Variants in AFF2 observed in about 807,000 individuals in gnomAD.
The protein encoded by AFF2 is ALF transcription elongation factor 2, also known as AF4/FMR2 family member 2.
AFF2 carries 14 observed loss-of-function variants against 76.9 expected under a neutral mutation model. That is an observed-to-expected ratio of 0.18 (90% CI 0.12 to 0.28). The LOEUF is 0.28. Ranked by LOEUF, AFF2 falls within the 10% of genes least tolerant of loss-of-function variation. The pLI is 1.00. For missense variants in AFF2, 868 were observed against 1,001.1 expected (o/e 0.87, Z 1.79); for synonymous variants, 398 against 366.7 (o/e 1.09, Z -0.98).
chrX:148,614,904 G>A (rs1404426074), intron 1 of AFF2, among the ~76,000 whole-genome samples: 2 of 106,503 alleles, frequency 1.9e-5, no homozygotes, highest in Non-Finnish European at 3.9e-5. Flanking sequence ...CAAAGATAAA[G>A]GACAAATCAG....
At chrX:148,601,545 G>A (rs1195634128) in intron 1 of AFF2, among the ~76,000 whole-genome samples, 3 of 111,003 alleles carry the variant, frequency 2.7e-5, no homozygotes, top group Non-Finnish European at 3.8e-5. Flanking sequence ...AATTTTCTTG[G>A]CATTTAACTT....
At chrX:148,688,144 T>A (rs781953772) in intron 3 of AFF2, among the ~76,000 whole-genome samples, 1 of 111,290 alleles carries the variant, frequency 9.0e-6, no homozygotes, top group Non-Finnish European at 1.9e-5. Flanking sequence ...CAGGTAAGCA[T>A]CATGACTCAG....
At chrX:148,708,319 C>T (rs1557262564) in intron 3 of AFF2, among the ~76,000 whole-genome samples, 1 of 111,689 alleles carries the variant, frequency 9.0e-6, no homozygotes, top group Non-Finnish European at 1.9e-5. Flanking sequence ...ATTTAAGCTG[C>T]CTCCTGTCAC....
chrX:148,799,860 CA>C (rs1439267972), intron 3 of AFF2, among the ~76,000 whole-genome samples: 3 of 111,780 alleles, frequency 2.7e-5, no homozygotes, highest in East Asian at 2.8e-4. Flanking sequence ...TGTTTCTTAA[CA>C]TTTTTTTTTT....
chrX:148,506,712 A>C (rs1201972207), intron 1 of AFF2, among the ~76,000 whole-genome samples: 1 of 111,560 alleles, frequency 9.0e-6, no homozygotes, highest in Non-Finnish European at 1.9e-5. Flanking sequence ...GCTCATTTGG[A>C]GCCTCAAAAC....
Position 148,845,120 on chromosome X carries a change from T to TACAC in AFF2, c.1262+1708_1262+1711dup, listed in dbSNP as rs1463131629. ...TCAATAAGATTCACACACATACACA[T>TACAC]ACACACACACACACACACACACACG... On this transcript the variant is annotated intron_variant, in intron 7 of 20. Coordinates refer to ENST00000370460, the MANE Select transcript of AFF2 (RefSeq NM_002025.4). 4.0e-3 allele frequency among the ~76,000 whole-genome samples: 158 copies of TACAC among 39,525 alleles called. 1 individual carries two copies. The highest frequency in any genetic ancestry group is 0.02 in the East Asian group (12 of 613). 34.3% of individuals were successfully genotyped at this position (39,525 alleles called of 115,157 possible).
intron 8 of AFF2, among the ~76,000 whole-genome samples, chrX:148,889,730 G>A (rs972371520): frequency 2.7e-5 from 3 of 111,889 alleles, no homozygotes; most frequent in Admixed American, 9.5e-5. Context: ...GTAGGAGAGC[G>A]TGTGAGAGTA....
intron 7 of AFF2, among the ~76,000 whole-genome samples, chrX:148,881,841 A>C (rs1314714609): frequency 9.0e-6 from 1 of 111,610 alleles, no homozygotes; most frequent in Non-Finnish European, 1.9e-5. Context: ...AATTTGTATA[A>C]ACTTTATTTT....
At chrX:148,784,899 C>T (rs782111831) in intron 3 of AFF2, among the ~76,000 whole-genome samples, 5 of 111,588 alleles carry the variant, frequency 4.5e-5, no homozygotes, top group East Asian at 5.7e-4. Context: ...CTGCCCCTCT[C>T]GGAGACAGAC....
chrX:148,504,851 C>G (rs782405048), intron 1 of AFF2, among the ~76,000 whole-genome samples: 51 of 111,743 alleles, frequency 4.6e-4, no homozygotes, highest in African/African-American at 1.6e-3. Flanking sequence ...TCTGTGCGCA[C>G]AGGTCTTCCG....
At chrX:148,541,862 A>G (rs1281124628) in intron 1 of AFF2, among the ~76,000 whole-genome samples, 1 of 108,620 alleles carries the variant, frequency 9.2e-6, no homozygotes, top group Admixed American at 1.0e-4. Context: ...GGCAGGCACT[A>G]TGTACCTCTG....
At chrX:148,687,364 T>C (rs1183242771) in intron 3 of AFF2, among the ~76,000 whole-genome samples, 5 of 112,384 alleles carry the variant, frequency 4.4e-5, no homozygotes, top group Non-Finnish European at 9.4e-5. Context: ...TTACAAAATC[T>C]AGTTTTCACA....
intron 1 of AFF2, among the ~76,000 whole-genome samples, chrX:148,632,452 T>C (rs1158781307): frequency 1.8e-5 from 2 of 111,775 alleles, no homozygotes; most frequent in Non-Finnish European, 3.8e-5. Context: ...GGTTATCAAA[T>C]ACTGAGACTG....
chrX:148,999,263 C>CT lies in AFF2; in HGVS notation c.*7931_*7932insT, dbSNP rs1400838377. The CT allele has an allele frequency of 1.8e-5, 2 of 111,110 alleles. No homozygotes were observed. Among genetic ancestry groups the CT allele is most frequent in the African/African-American group, 6.5e-5 (2 of 30,541 alleles). The allele number at this position is 111,110 out of a possible 1,213,427, so 9.2% of individuals were successfully genotyped here. A position where few individuals can be genotyped will look rare whatever the true frequency, so the allele number is the denominator to read the frequency against. On this transcript the variant is annotated 3_prime_UTR_variant, in exon 21 of 21. Transcript: ENST00000370460. ...GTATCTAACAGGCACATTCACGTCT[C>CT]GTGTACTCATATGAAGTATTTCCTA... is the stretch of plus-strand genomic sequence containing the variant.
chrX:148,502,115 T>C (rs1304949676), intron 1 of AFF2, among the ~76,000 whole-genome samples: 1 of 112,361 alleles, frequency 8.9e-6, no homozygotes, highest in African/African-American at 3.2e-5. Flanking sequence ...TTATTTGTCA[T>C]AATACTTAAA....
chrX:148,628,508 G>A (rs1315465602), intron 1 of AFF2, among the ~76,000 whole-genome samples: 1 of 108,876 alleles, frequency 9.2e-6, no homozygotes, highest in South Asian at 4.0e-4. Context: ...TAGCATATTG[G>A]GTTACTTCTT....
intron 4 of AFF2, among the ~76,000 whole-genome samples, chrX:148,824,291 A>G (rs2070361851): frequency 9.0e-6 from 1 of 111,605 alleles, no homozygotes; most frequent in Non-Finnish European, 1.9e-5. Context: ...AAATGGACTG[A>G]GTCCTGAGAA....
intron 1 of AFF2, among the ~76,000 whole-genome samples, chrX:148,539,181 C>CT (rs781926742): frequency 8.1e-4 from 91 of 112,072 alleles, no homozygotes; most frequent in African/African-American, 2.9e-3. Context: ...ACAAAGTAAT[C>CT]TAATTCATTA....
intron 3 of AFF2, among the ~76,000 whole-genome samples, chrX:148,752,499 C>T (rs2055513930): frequency 9.0e-6 from 1 of 111,362 alleles, no homozygotes; most frequent in Non-Finnish European, 1.9e-5. Context: ...TAGTCCTAGC[C>T]CTGAATAGCA....
Sources: gnomAD v4.1 joint callset for allele counts (sites outside exome capture counted in the v4.1 genomes callset) on GRCh38, gnomAD v4.1.1 for gene constraint, MANE v1.5 for transcripts, NCBI Gene and HGNC (gene_info 2026-07-23, HGNC 2026-07-21) for gene names.